The following NCOR1 variants were observed in gnomAD, a reference collection of about 807,000 sequenced individuals.
NCOR1 encodes the protein protein phosphatase 1, regulatory subunit 109.
Under a neutral mutation model 288.1 loss-of-function variants are expected in NCOR1, and 63 were observed. That is an observed-to-expected ratio of 0.22 (90% CI 0.18 to 0.27). NCOR1 has a LOEUF of 0.27. Ranked by LOEUF, NCOR1 falls within the 10% of genes least tolerant of loss-of-function variation. The probability of loss-of-function intolerance (pLI) is 1.00; values close to 1 mark genes in which losing one functional copy is unlikely to be tolerated. For missense variants in NCOR1, 2,397 were observed against 3,019.2 expected (o/e 0.79, Z 4.83); for synonymous variants, 1,007 against 1,065.9 (o/e 0.94, Z 1.08).
intron 37 of NCOR1, among the ~76,000 whole-genome samples, chr17:16,058,863 G>A (rs975008819): frequency 1.3e-5 from 2 of 151,558 alleles, no homozygotes; most frequent in Non-Finnish European, 2.9e-5. Flanking sequence ...CCTGACCAAC[G>A]TGGAGAAACC....
Position 16,073,430 on chromosome 17 carries a change from C to T in NCOR1, c.3810G>A (p.Glu1270=), listed in dbSNP as rs1173518136. ...AACATTCTGAAAACAATGCTTTACCCTCTAACGGTGCTGATACAGGAGACT... is the reference window on the plus strand; with the variant it reads ...AACATTCTGAAAACAATGCTTTACCTTCTAACGGTGCTGATACAGGAGACT... ...MRESPVSAPL[E]GLICRALPRG... is the part of the protein sequence containing the mutation. The change falls in exon 28 of 46, where the codon GAG becomes GAA. Residue 1270 remains glutamate (E), a splice_region_variant and synonymous_variant. Transcript: ENST00000268712. 2 of 1,597,190 alleles carry T rather than the reference C, an allele frequency of 1.3e-6. No homozygotes were observed. The highest frequency in any genetic ancestry group is 2.3e-5 in the East Asian group (1 of 44,004).
chr17:16,175,207 A>T (rs189593654), intron 3 of NCOR1, among the ~76,000 whole-genome samples: 92 of 152,282 alleles, frequency 6.0e-4, no homozygotes, highest in South Asian at 5.4e-3. Flanking sequence ...TCTCTACAAA[A>T]AAATACAAAT....
At chr17:16,170,498 T>C (rs2082927567) in intron 4 of NCOR1, among the ~76,000 whole-genome samples, 2 of 152,168 alleles carry the variant, frequency 1.3e-5, no homozygotes, top group Admixed American at 1.3e-4. Context: ...TGTCAGGCAC[T>C]TCCTAATCTG....
intron 15 of NCOR1, among the ~76,000 whole-genome samples, chr17:16,124,181 A>G (rs1306482944): frequency 6.6e-6 from 1 of 152,230 alleles, no homozygotes; most frequent in Non-Finnish European, 1.5e-5. Flanking sequence ...TAGCTTCCAC[A>G]AAACTAGGTA....
intron 18 of NCOR1, among the ~76,000 whole-genome samples, chr17:16,113,245 A>C (rs1275012001): frequency 2.7e-5 from 4 of 148,452 alleles, no homozygotes; most frequent in African/African-American, 5.0e-5. Flanking sequence ...AAAAGTAACC[A>C]TTTTCCAAAA....
chr17:16,065,039 A>C lies in NCOR1; in HGVS notation c.4952-20T>G, dbSNP rs746732431. On this transcript the variant is annotated intron_variant, in intron 33 of 45. Coordinates refer to ENST00000268712, the MANE Select transcript of NCOR1 (RefSeq NM_006311.4). ...TGATTCCTATCCAAAAGACAATACA[A>C]TTTATGTTAAGTGTTATTCTAAAGG... The C allele has an allele frequency of 6.2e-7, 1 of 1,608,316 alleles. No homozygotes were observed. Among genetic ancestry groups the C allele is most frequent in the South Asian group, 1.1e-5 (1 of 90,302 alleles).
intron 42 of NCOR1, among the ~76,000 whole-genome samples, chr17:16,046,006 T>A (rs1024088777): frequency 6.6e-6 from 1 of 152,070 alleles, no homozygotes; most frequent in Non-Finnish European, 1.5e-5. Flanking sequence ...AGAGATGGGG[T>A]CTCCCTGTGT....
rs115614290 is a variant in NCOR1, at chr17:16,057,910, G to A, written c.6165C>T (p.Ile2055=). The change falls in exon 39 of 46, where the codon ATC becomes ATT. Residue 2055 remains isoleucine (I), a synonymous_variant. Transcript: ENST00000268712. ...ATAAGAATAATGAAAAACTTACACA[G>A]ATGTGATCAGCAAGTGTGATCAGCC... ...THRLITLADH[I]CQIITQDFAR... 1 of 1,605,258 alleles carries A rather than the reference G, an allele frequency of 6.2e-7. No individual in the cohort carries two copies. The highest frequency in any genetic ancestry group is 8.5e-7 in the Non-Finnish European group (1 of 1,175,602).
chr17:16,125,219 C>T (rs1420291044), intron 15 of NCOR1, among the ~76,000 whole-genome samples: 7 of 151,742 alleles, frequency 4.6e-5, no homozygotes, highest in African/African-American at 7.3e-5. Flanking sequence ...CAAAATTAGC[C>T]GGGCGTGGTG....
chr17:16,150,325 A>G (rs1292284189), intron 8 of NCOR1, among the ~76,000 whole-genome samples: 1 of 152,142 alleles, frequency 6.6e-6, no homozygotes, highest in Non-Finnish European at 1.5e-5. Flanking sequence ...AGAGATGAAA[A>G]GAATTATTAA....
intron 1 of NCOR1, among the ~76,000 whole-genome samples, chr17:16,202,504 A>C (rs1256505258): frequency 1.6e-4 from 25 of 152,224 alleles, no homozygotes; most frequent in Admixed American, 1.6e-3. Flanking sequence ...AATTGAGATA[A>C]GAACAATTTT....
intron 22 of NCOR1, chr17:16,087,297 T>G: frequency 7.7e-7 from 1 of 1,304,258 alleles, no homozygotes; most frequent in South Asian, 1.2e-5. Flanking sequence ...TGCTTCCTGT[T>G]CTAGAGCACG....
intron 15 of NCOR1, among the ~76,000 whole-genome samples, chr17:16,124,375 C>T (rs530669392): frequency 1.9e-4 from 29 of 152,212 alleles, no homozygotes; most frequent in Admixed American, 9.2e-4. Context: ...AGATACATGA[C>T]GGCCAGAGGC....
At chr17:16,162,118 A>T (rs2080974286) in intron 5 of NCOR1, among the ~76,000 whole-genome samples, 1 of 152,136 alleles carries the variant, frequency 6.6e-6, no homozygotes, top group Admixed American at 6.5e-5. Flanking sequence ...ATGACCAGGC[A>T]GATTTGAGAA....
chr17:16,203,361 A>T (rs1235205632), intron 1 of NCOR1, among the ~76,000 whole-genome samples: 2 of 152,034 alleles, frequency 1.3e-5, no homozygotes, highest in Non-Finnish European at 1.5e-5. Context: ...GTTTCCTTTC[A>T]GTTTCTTCAG....
intron 4 of NCOR1, among the ~76,000 whole-genome samples, chr17:16,167,872 A>C (rs915709588): frequency 6.2e-4 from 93 of 150,714 alleles, no homozygotes; most frequent in African/African-American, 2.2e-3. Flanking sequence ...AAAAAAAAAA[A>C]AAAAAAACCA....
At chr17:16,139,267 G>A (rs2076838241) in intron 11 of NCOR1, 81 bp from the exon 12 acceptor site, 6 of 1,190,510 alleles carry the variant, frequency 5.0e-6, no homozygotes, top group Middle Eastern at 2.4e-4. Context: ...CTCTTAATGT[G>A]CACTAAAAAA....
At chr17:16,094,716 C>T (rs896025453) in intron 21 of NCOR1, among the ~76,000 whole-genome samples, 24 of 152,160 alleles carry the variant, frequency 1.6e-4, no homozygotes, top group African/African-American at 5.3e-4. Context: ...AGGCGCGCGC[C>T]GCCACGCCTG....
At chr17:16,155,443 T>C (rs2079599385) in intron 6 of NCOR1, among the ~76,000 whole-genome samples, 1 of 152,072 alleles carries the variant, frequency 6.6e-6, no homozygotes, top group Non-Finnish European at 1.5e-5. Flanking sequence ...AATAATCACT[T>C]TTCTATACGT....
Sources: gnomAD v4.1 joint callset for allele counts (sites outside exome capture counted in the v4.1 genomes callset) on GRCh38, gnomAD v4.1.1 for gene constraint, MANE v1.5 for transcripts, NCBI Gene and HGNC (gene_info 2026-07-23, HGNC 2026-07-21) for gene names.